The following KIF3B variants were observed in gnomAD, a reference collection of about 807,000 sequenced individuals.
KIF3B encodes the protein kinesin-like protein KIF3B.
KIF3B carries 38 observed loss-of-function variants against 74.3 expected under a neutral mutation model. The ratio of observed to expected loss-of-function variants is 0.51; its 90% confidence interval spans 0.39 to 0.67. KIF3B has a LOEUF of 0.67. Among genes scored for constraint, KIF3B ranks in the 30% least tolerant of loss-of-function variants. The pLI is 0.00. For missense variants in KIF3B, 649 were observed against 932.0 expected (o/e 0.70, Z 3.95); for synonymous variants, 326 against 342.5 (o/e 0.95, Z 0.53).
At position 32,331,274 on chromosome 20, in the gene KIF3B, T is replaced by C; in HGVS notation, c.2199T>C (p.Pro733=). Residue 733 remains proline, a synonymous_variant, in exon 9 of 9, where the codon CCT becomes CCC. Transcript: ENST00000375712. Reference sequence around the variant, plus strand: ...CCTCCTCCTCTTCCTCAGGAACCCCTGCATCTCAGCTTTATCCACAGTCTC... The same window carrying C: ...CCTCCTCCTCTTCCTCAGGAACCCCCGCATCTCAGCTTTATCCACAGTCTC... ...SGSSSSSSGT[P]ASQLYPQSRG... is the part of the protein sequence containing the mutation. 6.2e-7 allele frequency: 1 copy of C among 1,613,580 alleles called. No homozygotes were observed. The highest frequency in any genetic ancestry group is 8.5e-7 in the Non-Finnish European group (1 of 1,179,854).
Position 32,310,746 on chromosome 20 carries a change from C to T in KIF3B, c.969C>T (p.Asn323=), listed in dbSNP as rs143711563. Residue 323 remains asparagine, a synonymous_variant, in exon 2 of 9, where the codon AAC becomes AAT. Transcript: ENST00000375712. This position sits in a 1 kb window ranked among gnomAD's most constrained non-coding sequence, Gnocchi z 6.5. ...MVANVGPASY[N]VEETLTTLRY... Reference sequence around the variant, plus strand: ...CCAACGTGGGGCCTGCCTCTTACAACGTAGAAGAGACTCTGACCACTCTGC... The same window carrying T: ...CCAACGTGGGGCCTGCCTCTTACAATGTAGAAGAGACTCTGACCACTCTGC... 164 of 1,614,144 alleles carry T rather than the reference C, an allele frequency of 1.0e-4. No homozygotes were observed. In the African/African-American group the frequency reaches 1.9e-3, roughly 19 times the overall value.
intron 1 of KIF3B, among the ~76,000 whole-genome samples, chr20:32,292,881 T>G (rs1296305766): frequency 6.6e-6 from 1 of 152,224 alleles, no homozygotes; most frequent in Non-Finnish European, 1.5e-5. Flanking sequence ...ATATGTTCAG[T>G]ATAGCCACTG....
chr20:32,287,560 A>G (rs750850976), intron 1 of KIF3B, among the ~76,000 whole-genome samples: 2 of 152,016 alleles, frequency 1.3e-5, no homozygotes, highest in African/African-American at 4.8e-5. Context: ...GCCTCAAGCA[A>G]TGCTCCTGAC....
chr20:32,300,104 T>C (rs1014269683), intron 1 of KIF3B, among the ~76,000 whole-genome samples: 5 of 148,080 alleles, frequency 3.4e-5, no homozygotes, highest in Admixed American at 3.3e-4. Flanking sequence ...TTGTTTTGTT[T>C]TGTTTTGTTT....
intron 1 of KIF3B, among the ~76,000 whole-genome samples, chr20:32,280,714 C>CAAAAAAAAAAA (rs34366324): frequency 2.1e-4 from 11 of 51,332 alleles, no homozygotes; most frequent in Non-Finnish European, 2.0e-4. Context: ...GACTCCGTCT[C>CAAAAAAAAAAA]AAAAAAAAAA....
chr20:32,289,620 C>T (rs931114515), intron 1 of KIF3B, among the ~76,000 whole-genome samples: 1 of 152,176 alleles, frequency 6.6e-6, no homozygotes. Context: ...TATTTATTTT[C>T]ACAGTTACTT....
chr20:32,329,435 A>G (rs993274831), intron 7 of KIF3B, among the ~76,000 whole-genome samples: 1 of 148,884 alleles, frequency 6.7e-6, no homozygotes, highest in African/African-American at 2.5e-5. Context: ...CTGTATCCTC[A>G]GACTCCTCGG....
At chr20:32,316,366 T>A in intron 3 of KIF3B, 47 bp downstream of exon 3, 3 of 1,539,346 alleles carry the variant, frequency 1.9e-6, no homozygotes, top group Non-Finnish European at 2.7e-6. Flanking sequence ...GTAAGGTGTG[T>A]TTATGCTGCA....
chr20:32,283,705 G>A (rs1480467448), intron 1 of KIF3B, among the ~76,000 whole-genome samples: 34 of 151,884 alleles, frequency 2.2e-4, no homozygotes, highest in Admixed American at 2.2e-3. Context: ...AGCTACTTCG[G>A]AGGCTGAGGC....
chr20:32,316,248 A>G lies in KIF3B; in HGVS notation c.1435A>G (p.Lys479Glu). The G allele has an allele frequency of 6.2e-7, 1 of 1,612,824 alleles. No individual in the cohort carries two copies. Among genetic ancestry groups the G allele is most frequent in the Non-Finnish European group, 8.5e-7 (1 of 1,178,830 alleles). ...GGAGAGTAAGTTGCTTGTTGGAGGAAAAAATATAGTAGATCATACGAATGA... is the reference window on the plus strand; with the variant it reads ...GGAGAGTAAGTTGCTTGTTGGAGGAGAAAATATAGTAGATCATACGAATGA... ...AMESKLLVGG[K>E]NIVDHTNEQQ... The change falls in exon 3 of 9, where the codon AAA becomes GAA. Residue 479 changes from lysine to glutamate, a missense_variant. Around this residue, in one of 4 missense-constraint regions of KIF3B, gnomAD observed 363 missense variants for 592.8 expected, o/e 0.61. Coordinates refer to ENST00000375712, the MANE Select transcript of KIF3B (RefSeq NM_004798.4).
At chr20:32,316,902 C>T in intron 5 of KIF3B, 28 bp downstream of exon 5, 1 of 1,469,532 alleles carries the variant, frequency 6.8e-7, no homozygotes, top group Non-Finnish European at 9.5e-7. Flanking sequence ...CATAGTGCCC[C>T]CAAGCCACTT....
chr20:32,305,720 A>G (rs970446330), intron 1 of KIF3B, among the ~76,000 whole-genome samples: 1 of 151,230 alleles, frequency 6.6e-6, no homozygotes, highest in Non-Finnish European at 1.5e-5. Context: ...GATTACAGGC[A>G]CATGCCACCA....
intron 1 of KIF3B, among the ~76,000 whole-genome samples, chr20:32,299,370 GGT>G (rs201454349): frequency 1.2e-5 from 1 of 80,186 alleles, no homozygotes; most frequent in Non-Finnish European, 2.2e-5. Context: ...ACTACTGAAT[GGT>G]GTGTGTGTAT....
At chr20:32,305,570 C>CTTTTTTT (rs869049527) in intron 1 of KIF3B, among the ~76,000 whole-genome samples, 114 of 86,910 alleles carry the variant, frequency 1.3e-3, no homozygotes, top group African/African-American at 2.4e-3. Context: ...ACTCCCCCAC[C>CTTTTTTT]TTTTTTTTTT....
At chr20:32,313,190 A>T (rs1210810102) in intron 2 of KIF3B, among the ~76,000 whole-genome samples, 1 of 152,132 alleles carries the variant, frequency 6.6e-6, no homozygotes, top group Non-Finnish European at 1.5e-5. Context: ...GTGGCAATGC[A>T]CTATGCCTGC....
At chr20:32,323,732 G>A (rs2047888801) in intron 5 of KIF3B, among the ~76,000 whole-genome samples, 1 of 152,036 alleles carries the variant, frequency 6.6e-6, no homozygotes, top group Admixed American at 6.6e-5. Context: ...ACAAGAATTA[G>A]CTGGGTGTGG....
At chr20:32,279,502 G>A (rs1352204579) in intron 1 of KIF3B, among the ~76,000 whole-genome samples, 1 of 143,038 alleles carries the variant, frequency 7.0e-6, no homozygotes, top group South Asian at 2.2e-4. Context: ...TTTTGCTGTT[G>A]TTGCCCAGGC....
At chr20:32,287,649 C>T (rs1323506647) in intron 1 of KIF3B, among the ~76,000 whole-genome samples, 1 of 152,122 alleles carries the variant, frequency 6.6e-6, no homozygotes, top group Non-Finnish European at 1.5e-5. Context: ...GTTATTACTA[C>T]ATGTTAGTAG....
At chr20:32,287,285 A>G (rs2122656877) in intron 1 of KIF3B, among the ~76,000 whole-genome samples, 1 of 151,654 alleles carries the variant, frequency 6.6e-6, no homozygotes, top group East Asian at 1.9e-4. Flanking sequence ...CAAAGTGCTC[A>G]GATTACAAGT....
Sources: allele counts gnomAD v4.1 joint callset (sites outside exome capture counted in the v4.1 genomes callset), GRCh38; gene constraint gnomAD v4.1.1; regional missense constraint gnomAD v4.1.1; non-coding constraint Gnocchi (gnomAD v3.1); transcripts MANE v1.5; gene names NCBI Gene and HGNC (gene_info 2026-07-23, HGNC 2026-07-21).